The following KLHL4 variants were observed in gnomAD, a reference collection of about 807,000 sequenced individuals.
KLHL4 encodes the protein kelch-like protein 4.
A neutral mutation model predicts 45.8 loss-of-function variants in KLHL4; 17 were observed. That is an observed-to-expected ratio of 0.37 (90% confidence interval 0.25 to 0.56). The LOEUF is 0.56. KLHL4 is among the 20% of genes least tolerant of loss of function. KLHL4 has a pLI of 0.79. For missense variants in KLHL4, 544 were observed against 544.9 expected, an observed-to-expected ratio of 1.00 and a Z score of 0.02; for synonymous variants, 224 against 189.9, an observed-to-expected ratio of 1.18 and a Z score of -1.47.
intron 1 of KLHL4, among the ~76,000 whole-genome samples, chrX:87,537,153 C>A (rs1348603188): frequency 1.8e-5 from 2 of 111,047 alleles, no homozygotes; most frequent in African/African-American, 6.5e-5. Flanking sequence ...ATCTACAATA[C>A]TGGAAAATAA....
chrX:87,590,125 C>T (rs1921613771), intron 1 of KLHL4, among the ~76,000 whole-genome samples: 1 of 107,370 alleles, frequency 9.3e-6, no homozygotes, highest in Admixed American at 9.9e-5. Context: ...TTTAAAATAA[C>T]ATAAAGAGTG....
intron 1 of KLHL4, among the ~76,000 whole-genome samples, chrX:87,524,008 GAC>G (rs1047385742): frequency 1.3e-4 from 14 of 111,455 alleles, no homozygotes; most frequent in East Asian, 8.4e-4. Context: ...AAAGAAAAAA[GAC>G]AATTTTTTTG....
In KLHL4 at chrX:87,664,410, T is replaced by C. The variant is rs753446980; in HGVS notation, c.1926-354T>C. ...CTTATGTATAACTTCGACAAATAAA[T>C]AATAAAAGAAAAACAAAAGCCCTTC... On this transcript the variant is annotated intron_variant, in intron 9 of 10. Coordinates refer to ENST00000373119, the MANE Select transcript of KLHL4 (RefSeq NM_019117.5). Among the ~76,000 whole-genome samples, 277 of 111,816 alleles carry C rather than the reference T, an allele frequency of 2.5e-3. 1 individual carries two copies. Among genetic ancestry groups the C allele is most frequent in the African/African-American group, 8.6e-3 (266 of 30,823 alleles).
In KLHL4 at chrX:87,605,541, T is replaced by A. The variant is rs760535032; in HGVS notation, c.423-8336T>A. 1.6e-3 allele frequency among the ~76,000 whole-genome samples: 175 copies of A among 111,288 alleles called. 1 individual carries two copies. Among genetic ancestry groups the A allele is most frequent in the African/African-American group, 5.4e-3 (166 of 30,758 alleles). ...TTGATTTATTTTTGAGATAGCTTGC[T>A]GTTAGCATGTAGATACACTACTGAT... On this transcript the variant is annotated intron_variant, in intron 1 of 10. Transcript: ENST00000373119.
rs193121332 is a variant in KLHL4 at position 87,533,560 on chromosome X, G to T, written c.422+15245G>T. On this transcript the variant is annotated intron_variant, in intron 1 of 10. Transcript: ENST00000373119. ...CACACTCTGGGGACTGTTGTGGGGTGGGGTGAGGGGGGAGGGATAGCATTA... is the reference window on the plus strand; with the variant it reads ...CACACTCTGGGGACTGTTGTGGGGTTGGGTGAGGGGGGAGGGATAGCATTA... 5.1e-3 allele frequency among the ~76,000 whole-genome samples: 523 copies of T among 102,795 alleles called. 2 individuals are homozygous for T. Among genetic ancestry groups the T allele is most frequent in the Non-Finnish European group, 8.7e-3 (443 of 50,686 alleles). The allele number at this position is 102,795 out of a possible 115,157, so 89.3% of individuals were successfully genotyped here.
chrX:87,542,598 A>C (rs930411695), intron 1 of KLHL4, among the ~76,000 whole-genome samples: 7 of 112,745 alleles, frequency 6.2e-5, no homozygotes, highest in Non-Finnish European at 1.3e-4. Flanking sequence ...TGTTTTGGAC[A>C]TGCATGGGGC....
intron 1 of KLHL4, among the ~76,000 whole-genome samples, chrX:87,547,291 T>G (rs1422946930): frequency 1.8e-5 from 2 of 110,883 alleles, no homozygotes; most frequent in South Asian, 7.8e-4. Context: ...GAGATCTGAT[T>G]GTTTTATAAG....
chrX:87,640,560 T>A (rs1277936534), intron 9 of KLHL4, among the ~76,000 whole-genome samples: 3 of 111,875 alleles, frequency 2.7e-5, no homozygotes, highest in African/African-American at 9.7e-5. Context: ...AAATGTGATA[T>A]GCCTCATAAA....
intron 1 of KLHL4, among the ~76,000 whole-genome samples, chrX:87,583,794 G>A (rs1921367531): frequency 9.0e-6 from 1 of 111,112 alleles, no homozygotes; most frequent in South Asian, 3.8e-4. Context: ...GAAAAAAGCA[G>A]AGGAAAAAGT....
chrX:87,668,350 G>A lies in KLHL4; in HGVS notation c.*1816G>A. ...GAGGTGCTACCAATAGGCAGACTGT[G>A]TCTAGAGTCATGCATGGACAAGAGG... On this transcript the variant is annotated 3_prime_UTR_variant, in exon 11 of 11. Coordinates refer to ENST00000373119, the MANE Select transcript of KLHL4 (RefSeq NM_019117.5). 3 of 754,155 alleles carry A rather than the reference G, an allele frequency of 4.0e-6. No homozygotes were observed. The highest frequency in any genetic ancestry group is 4.7e-6 in the Non-Finnish European group (3 of 639,092). The allele number at this position is 754,155 out of a possible 1,213,427, so 62.2% of individuals were successfully genotyped here. A position where few individuals can be genotyped will look rare whatever the true frequency, so the allele number is the denominator to read the frequency against.
chrX:87,632,398 G>C lies in KLHL4; in HGVS notation c.1513G>C (p.Val505Leu). ...TAATCCAGTTGGCAAAATCTGGACT[G>C]TGATGCCTCCCATGTCAACACATCG... ...CFNPVGKIWT[V>L]MPPMSTHRHG... is the part of the protein sequence containing the mutation. Residue 505 changes from valine (V) to leucine (L), a missense_variant, in exon 7 of 11, where the codon GTG becomes CTG. Physicochemically the swap from Val to Leu is conservative, Grantham distance 32. Coordinates refer to ENST00000373119, the MANE Select transcript of KLHL4 (RefSeq NM_019117.5). The C allele has an allele frequency of 8.3e-7, 1 of 1,207,794 alleles. No homozygotes were observed. The highest frequency in any genetic ancestry group is 1.1e-6 in the Non-Finnish European group (1 of 892,012).
chrX:87,563,605 A>AT (rs1932145158), intron 1 of KLHL4, among the ~76,000 whole-genome samples: 1 of 83,067 alleles, frequency 1.2e-5, no homozygotes, highest in African/African-American at 4.6e-5. Flanking sequence ...TCCAAAGGAG[A>AT]CAAAAAAAAA....
At chrX:87,634,379 T>C (rs888970622) in intron 8 of KLHL4, among the ~76,000 whole-genome samples, 2 of 111,728 alleles carry the variant, frequency 1.8e-5, no homozygotes, top group Non-Finnish European at 3.8e-5. Context: ...GTCTCACCCT[T>C]CCTGAATATT....
chrX:87,647,585 AC>A lies in KLHL4; in HGVS notation c.1925+11811del, dbSNP rs769155756. ...GAATGAAATAATGGCATTCACAGCA[AC>A]ATGGATGGAATTGGAGACCATTATT... is the stretch of plus-strand genomic sequence containing the variant. On this transcript the variant is annotated intron_variant, in intron 9 of 10. Transcript: ENST00000373119. Among the ~76,000 whole-genome samples the A allele has an allele frequency of 1.1e-4, 12 of 112,231 alleles. No homozygotes were observed. In the East Asian group the frequency reaches 3.4e-3, roughly 31 times the overall value.
chrX:87,545,613 A>C (rs1423579205), intron 1 of KLHL4, among the ~76,000 whole-genome samples: 1 of 111,761 alleles, frequency 8.9e-6, no homozygotes, highest in Non-Finnish European at 1.9e-5. Context: ...GTAAAAATGG[A>C]CTAATAAAGT....
intron 1 of KLHL4, among the ~76,000 whole-genome samples, chrX:87,539,376 G>C (rs1474569194): frequency 9.1e-6 from 1 of 110,150 alleles, no homozygotes; most frequent in African/African-American, 3.3e-5. Context: ...AGGGTCTAGA[G>C]TTCCTTTAAT....
chrX:87,531,039 C>CATGTGTCCT (rs1931260695), intron 1 of KLHL4, among the ~76,000 whole-genome samples: 1 of 112,275 alleles, frequency 8.9e-6, no homozygotes, highest in African/African-American at 3.2e-5. Flanking sequence ...AGCATTTTTT[C>CATGTGTCCT]ATGTGTCCTT....
intron 6 of KLHL4, among the ~76,000 whole-genome samples, chrX:87,630,860 A>G (rs1260534767): frequency 3.6e-5 from 4 of 111,937 alleles, no homozygotes; most frequent in Non-Finnish European, 7.5e-5. Flanking sequence ...GTAACACCTG[A>G]GGTTCGTTGT....
At chrX:87,666,384 A>T in intron 10 of KLHL4, 91 bp from the exon 11 acceptor site, 2 of 873,894 alleles carry the variant, frequency 2.3e-6, no homozygotes, top group Non-Finnish European at 3.1e-6. Flanking sequence ...CAAATTAAGT[A>T]AGGACTTCTT....
Sources: gnomAD v4.1 joint callset for allele counts (sites outside exome capture counted in the v4.1 genomes callset) on GRCh38, gnomAD v4.1.1 for gene constraint, MANE v1.5 for transcripts, NCBI Gene and HGNC (gene_info 2026-07-23, HGNC 2026-07-21) for gene names.